The following PTPRD variants were observed in gnomAD, a reference collection of about 807,000 sequenced individuals.
PTPRD encodes protein tyrosine phosphatase receptor type D.
A neutral mutation model predicts 214.5 loss-of-function variants in PTPRD; 34 were observed. The ratio of observed to expected loss-of-function variants is 0.16; its 90% CI spans 0.12 to 0.21. The LOEUF (loss-of-function observed/expected upper bound fraction) is 0.21, where lower values mean the gene tolerates loss of function less well. Among genes scored for constraint, PTPRD ranks in the 10% least tolerant of loss-of-function variants. The pLI, the probability that PTPRD is intolerant of heterozygous loss-of-function variation, is 1.00. For missense variants in PTPRD, 2,545 were observed against 2,398.7 expected (o/e 1.06, Z -1.27); for synonymous variants, 1,128 against 845.7 (o/e 1.33, Z -5.79).
chr9:9,164,354 A>T (rs1328018842), intron 10 of PTPRD, among the ~76,000 whole-genome samples: 2 of 152,040 alleles, frequency 1.3e-5, no homozygotes, highest in Non-Finnish European at 2.9e-5. Flanking sequence ...GCCTTCCCAC[A>T]TTGATTTTCT....
At chr9:10,505,964 G>C (rs188653768) in intron 2 of PTPRD, among the ~76,000 whole-genome samples, 1 of 152,192 alleles carries the variant, frequency 6.6e-6, no homozygotes, top group East Asian at 1.9e-4. Flanking sequence ...AGTGATCATA[G>C]TCTTGAGGTA....
chr9:8,874,304 A>C (rs900773566), intron 11 of PTPRD, among the ~76,000 whole-genome samples: 1 of 152,222 alleles, frequency 6.6e-6, no homozygotes, highest in Non-Finnish European at 1.5e-5. Context: ...AAGATAGACC[A>C]GGACATTCTT....
chr9:9,872,140 T>A (rs1394756658), intron 5 of PTPRD, among the ~76,000 whole-genome samples: 1 of 152,156 alleles, frequency 6.6e-6, no homozygotes, highest in Admixed American at 6.5e-5. Context: ...CCATCAAAGT[T>A]GGCAATCACC....
chr9:8,813,472 G>C (rs1454574738), intron 11 of PTPRD, among the ~76,000 whole-genome samples: 1 of 152,160 alleles, frequency 6.6e-6, no homozygotes, highest in Admixed American at 6.5e-5. Flanking sequence ...CTAGGCTGAA[G>C]CAATCCTCCT....
rs28491557 is a variant in PTPRD at position 8,486,547 on chromosome 9, A to G, written c.2468-198T>C. 0.014 allele frequency: 9,610 copies of G among 702,850 alleles called. 633 individuals carry two copies. In the African/African-American group the frequency reaches 0.15, roughly 11 times the overall value. The allele number at this position is 702,850 out of a possible 1,614,324, so 43.5% of individuals were successfully genotyped here. On this transcript the variant is annotated intron_variant, in intron 27 of 45. Transcript: ENST00000381196. ...TTACTTTATTAAAGTAGGCTGAGAT[A>G]CTAGAATTTGATAATGGACACAAAA...
chr9:10,192,727 G>C (rs527974484), intron 3 of PTPRD, among the ~76,000 whole-genome samples: 1 of 152,066 alleles, frequency 6.6e-6, no homozygotes, highest in Non-Finnish European at 1.5e-5. Flanking sequence ...GCTTGGAAAG[G>C]AATAGCTCAA....
intron 9 of PTPRD, among the ~76,000 whole-genome samples, chr9:9,255,926 G>A (rs1176170614): frequency 6.6e-6 from 1 of 151,988 alleles, no homozygotes; most frequent in Non-Finnish European, 1.5e-5. Flanking sequence ...TTGTACCTTA[G>A]CACATTTCAA....
At chr9:9,927,365 T>A (rs1263920637) in intron 5 of PTPRD, among the ~76,000 whole-genome samples, 1 of 152,158 alleles carries the variant, frequency 6.6e-6, no homozygotes, top group African/African-American at 2.4e-5. Context: ...TAGCTGTCCT[T>A]TCCTAAGTGC....
chr9:10,202,730 A>G (rs2099433994), intron 3 of PTPRD, among the ~76,000 whole-genome samples: 1 of 144,664 alleles, frequency 6.9e-6, no homozygotes, highest in South Asian at 2.2e-4. Flanking sequence ...TGTGTTAATT[A>G]TATGTCAATG....
intron 3 of PTPRD, among the ~76,000 whole-genome samples, chr9:10,295,869 C>A (rs694201): frequency 0.37 from 55,618 of 151,874 alleles, 12,992 homozygotes; most frequent in African/African-American, 0.64. Flanking sequence ...GTGGGGCTTT[C>A]TGTACCTTTG....
chr9:9,625,563 T>TG (rs1554725975), intron 7 of PTPRD, among the ~76,000 whole-genome samples: 1 of 152,032 alleles, frequency 6.6e-6, no homozygotes, highest in African/African-American at 2.4e-5. Flanking sequence ...ATTTTTTTTT[T>TG]TTTTGTTTTG....
intron 14 of PTPRD, among the ~76,000 whole-genome samples, chr9:8,544,821 A>T (rs1382797434): frequency 6.6e-6 from 1 of 151,024 alleles, no homozygotes; most frequent in Non-Finnish European, 1.5e-5. Context: ...CAACTTATAC[A>T]TAAGTTGCAT....
At chr9:10,326,236 T>C (rs10756025) in intron 3 of PTPRD, among the ~76,000 whole-genome samples, 48,402 of 151,506 alleles carry the variant, frequency 0.32, 8,985 homozygotes, top group African/African-American at 0.51. Flanking sequence ...TAAAAGGCTG[T>C]CACATAATTC....
intron 3 of PTPRD, among the ~76,000 whole-genome samples, chr9:10,262,021 A>G (rs550147412): frequency 2.0e-5 from 3 of 152,278 alleles, no homozygotes; most frequent in South Asian, 4.2e-4. Context: ...TTGCCCCACA[A>G]TCAAAGAGAG....
intron 5 of PTPRD, among the ~76,000 whole-genome samples, chr9:9,789,024 C>T (rs2098947680): frequency 6.6e-6 from 1 of 152,218 alleles, no homozygotes; most frequent in Non-Finnish European, 1.5e-5. Flanking sequence ...CATCACCTAT[C>T]AGCCTACCTG....
intron 10 of PTPRD, among the ~76,000 whole-genome samples, chr9:9,115,569 T>A (rs1168412959): frequency 6.6e-6 from 1 of 152,126 alleles, no homozygotes; most frequent in African/African-American, 2.4e-5. Context: ...AAACAATATG[T>A]AGATTTCTCA....
intron 9 of PTPRD, among the ~76,000 whole-genome samples, chr9:9,244,177 G>C (rs1450593209): frequency 6.6e-6 from 1 of 152,098 alleles, no homozygotes; most frequent in Non-Finnish European, 1.5e-5. Flanking sequence ...CTCATGGATA[G>C]GAAGAATCAA....
intron 7 of PTPRD, among the ~76,000 whole-genome samples, chr9:9,666,532 C>A (rs548399208): frequency 6.6e-6 from 1 of 151,918 alleles, no homozygotes; most frequent in South Asian, 2.1e-4. Flanking sequence ...AAAACAATGA[C>A]AAAACTTACA....
chr9:9,167,293 C>T lies in PTPRD; in HGVS notation c.-143+16011G>A, dbSNP rs116999312. ...GCTTCTTATTTTTTTAAATGCAATG[C>T]AAGATGGTGTATTGCTTCTCATGCT... On this transcript the variant is annotated intron_variant, in intron 10 of 45. Transcript: ENST00000381196. 1.6e-4 allele frequency among the ~76,000 whole-genome samples: 24 copies of T among 150,728 alleles called. No individual in the cohort carries two copies. In the East Asian group the frequency reaches 3.9e-3, roughly 24 times the overall value.
Sources: gnomAD v4.1 joint callset for allele counts (sites outside exome capture counted in the v4.1 genomes callset) on GRCh38, gnomAD v4.1.1 for gene constraint, MANE v1.5 for transcripts, NCBI Gene and HGNC (gene_info 2026-07-23, HGNC 2026-07-21) for gene names.